ADAM12: variants seen among roughly 807,000 people sequenced by gnomAD.
ADAM12 encodes the protein ADAM metallopeptidase domain 12, also known as disintegrin and metalloproteinase domain-containing protein 12.
A neutral mutation model predicts 106.4 loss-of-function variants in ADAM12; 70 were observed. The ratio of observed to expected loss-of-function variants is 0.66; its 90% CI spans 0.54 to 0.80. ADAM12 has a LOEUF of 0.80. Among genes scored for constraint, ADAM12 ranks in the 30% least tolerant of loss-of-function variants. The probability of loss-of-function intolerance (pLI) is 0.00; values close to 1 mark genes in which losing one functional copy is unlikely to be tolerated. For synonymous variants in ADAM12, 420 were observed against 433.5 expected, an observed-to-expected ratio of 0.97 and a Z score of 0.39; for missense variants, 1,010 against 1,171.9, an observed-to-expected ratio of 0.86 and a Z score of 2.02.
intron 3 of ADAM12, among the ~76,000 whole-genome samples, chr10:126,228,152 G>A (rs374054815): frequency 1.3e-5 from 2 of 152,286 alleles, no homozygotes; most frequent in Non-Finnish European, 2.9e-5. Flanking sequence ...TTGGGTTCTG[G>A]AATGAAAATC....
chr10:126,049,266 C>A lies in ADAM12; in HGVS notation c.1904G>T (p.Cys635Phe). 6.2e-7 allele frequency: 1 copy of A among 1,614,114 alleles called. No homozygotes were observed. Among genetic ancestry groups the A allele is most frequent in the Non-Finnish European group, 8.5e-7 (1 of 1,179,960 alleles). The change falls in exon 16 of 23, where the codon TGT (cysteine) becomes TTT (phenylalanine). Residue 635 changes from cysteine (C) to phenylalanine (F), a missense_variant. By Grantham distance (205) the Cys-to-Phe change is radical. Around this residue, in one of 3 missense-constraint regions of ADAM12, gnomAD observed 615 missense variants for 708.5 expected, o/e 0.87. Coordinates refer to ENST00000448723, the MANE Select transcript of ADAM12 (RefSeq NM_001288973.2). The surrounding 1 kb of genome is among the most constrained non-coding windows in gnomAD (Gnocchi z 4.4). Reference sequence around the variant, plus strand: ...TTTGGGTCTTACTTTTCCATCTGCACACTTTGTGCCTGCAAGCACAAGCCC... The same window carrying A: ...TTTGGGTCTTACTTTTCCATCTGCAAACTTTGTGCCTGCAAGCACAAGCCC... The part of the protein sequence containing the change: ...DPGLVLAGTK[C>F]ADGKICLNRQ...
At chr10:126,186,693 C>T (rs1297472155) in intron 3 of ADAM12, among the ~76,000 whole-genome samples, 3 of 151,810 alleles carry the variant, frequency 2.0e-5, no homozygotes, top group Non-Finnish European at 2.9e-5. Flanking sequence ...GGGGCTGGAG[C>T]CTTAGGGAGG....
intron 3 of ADAM12, among the ~76,000 whole-genome samples, chr10:126,229,144 G>A (rs1352396990): frequency 2.0e-5 from 3 of 152,206 alleles, no homozygotes; most frequent in Non-Finnish European, 4.4e-5. Flanking sequence ...TGCCCTCAGA[G>A]CCTCCCCTTC....
chr10:126,038,629 G>A (rs965710815), intron 19 of ADAM12, among the ~76,000 whole-genome samples: 2 of 152,296 alleles, frequency 1.3e-5, no homozygotes, highest in East Asian at 1.9e-4. Flanking sequence ...GCATTTCAGC[G>A]ATAATGTCTT....
intron 1 of ADAM12, 117 bp downstream of exon 1, chr10:126,387,941 G>C: frequency 2.6e-6 from 3 of 1,143,302 alleles, no homozygotes; most frequent in Non-Finnish European, 3.2e-6. Flanking sequence ...CCGGGGCTCC[G>C]GAGATGCGCC....
intron 3 of ADAM12, among the ~76,000 whole-genome samples, chr10:126,163,896 A>G (rs1479821366): frequency 6.6e-6 from 1 of 152,238 alleles, no homozygotes; most frequent in Non-Finnish European, 1.5e-5. Flanking sequence ...ATAGAAACGC[A>G]ACCCAATCTG....
At chr10:126,157,017 T>TTG (rs201697951) in intron 3 of ADAM12, among the ~76,000 whole-genome samples, 26 of 151,436 alleles carry the variant, frequency 1.7e-4, no homozygotes, top group East Asian at 3.9e-4. Flanking sequence ...CCGTTTGGTT[T>TTG]TGTGTGTGTG....
chr10:126,063,251 G>A (rs904580309), intron 14 of ADAM12, among the ~76,000 whole-genome samples: 1 of 152,158 alleles, frequency 6.6e-6, no homozygotes, highest in African/African-American at 2.4e-5. Flanking sequence ...AGAGGCCTGC[G>A]CTCGTCCCTC....
intron 3 of ADAM12, among the ~76,000 whole-genome samples, chr10:126,270,236 C>T (rs1489559858): frequency 2.0e-5 from 3 of 152,262 alleles, no homozygotes; most frequent in South Asian, 2.1e-4. Context: ...CTGGTAGCAC[C>T]GGATTCTCCA....
rs962097922 is a variant in ADAM12, at chr10:126,387,460, G to C, written c.88+598C>G. On this transcript the variant is annotated intron_variant, in intron 1 of 22. Transcript: ENST00000448723. The stretch of plus-strand genomic sequence containing the variant: ...TGCCTGCGACTGACAGCTAGGGAGT[G>C]ACCTGGAAGCCAGGAAGAGGGGCAG... Among the ~76,000 whole-genome samples, 3 of 149,896 alleles carry C rather than the reference G, an allele frequency of 2.0e-5. No homozygotes were observed. In the South Asian group the frequency reaches 6.4e-4, roughly 32 times the overall value.
Position 126,053,526 on chromosome 10 carries a change from C to T in ADAM12, c.1610-3857G>A, listed in dbSNP as rs1034173379. Among the ~76,000 whole-genome samples, 1 of 151,986 alleles carries T rather than the reference C, an allele frequency of 6.6e-6. No individual in the cohort carries two copies. Reference sequence around the variant, plus strand: ...CCCTCAGAAAGGCTTGTGGCCAATTCGAATATGTGAATTTTTACCAACACA... The same window carrying T: ...CCCTCAGAAAGGCTTGTGGCCAATTTGAATATGTGAATTTTTACCAACACA... On this transcript the variant is annotated intron_variant, in intron 14 of 22. Transcript: ENST00000448723. The surrounding 1 kb of genome is among the most constrained non-coding windows in gnomAD (Gnocchi z 4.6).
At chr10:126,143,694 A>G (rs772220549) in intron 4 of ADAM12, among the ~76,000 whole-genome samples, 1 of 151,600 alleles carries the variant, frequency 6.6e-6, no homozygotes, top group Non-Finnish European at 1.5e-5. Context: ...ATGGGTGTGC[A>G]TGTGTGTATA....
At chr10:126,238,375 A>G (rs1355747557) in intron 3 of ADAM12, among the ~76,000 whole-genome samples, 1 of 152,168 alleles carries the variant, frequency 6.6e-6, no homozygotes, top group Non-Finnish European at 1.5e-5. Context: ...AGCTAGTGAC[A>G]GGCTGGGGCA....
rs867589585 is a variant in ADAM12 at position 126,240,339 on chromosome 10, G to A, written c.260+38576C>T. 5.3e-5 allele frequency among the ~76,000 whole-genome samples: 8 copies of A among 152,364 alleles called. No homozygotes were observed. In the South Asian group the frequency reaches 1.0e-3, roughly 20 times the overall value. ...CTGGGGGGCATCAGCCCCTAAGAGC[G>A]TGACAGAAGTTGCACCTGTGCTAAT... On this transcript the variant is annotated intron_variant, in intron 3 of 22. Transcript: ENST00000448723.
Position 126,376,276 on chromosome 10 carries a change from T to C in ADAM12, c.88+11782A>G, listed in dbSNP as rs1266289358. 4.6e-5 allele frequency among the ~76,000 whole-genome samples: 7 copies of C among 152,174 alleles called. No homozygotes were observed. In the East Asian group the frequency reaches 7.7e-4, roughly 17 times the overall value. ...AGGATTAAAAAAAAATTGAGCAAGA[T>C]TTCTGAATTCAAAGTCAACCTACAA... On this transcript the variant is annotated intron_variant, in intron 1 of 22. Transcript: ENST00000448723.
At chr10:126,377,610 G>A (rs1287329162) in intron 1 of ADAM12, among the ~76,000 whole-genome samples, 1 of 152,124 alleles carries the variant, frequency 6.6e-6, no homozygotes, top group Non-Finnish European at 1.5e-5. Flanking sequence ...ATACACCCAG[G>A]ATCAATACTT....
chr10:126,373,399 G>A (rs1272809990), intron 1 of ADAM12, among the ~76,000 whole-genome samples: 1 of 152,192 alleles, frequency 6.6e-6, no homozygotes, highest in Non-Finnish European at 1.5e-5. Context: ...TCTCACCCCT[G>A]CAGCTGCCAA....
intron 1 of ADAM12, among the ~76,000 whole-genome samples, chr10:126,349,107 A>G (rs549348770): frequency 6.6e-6 from 1 of 152,278 alleles, no homozygotes; most frequent in African/African-American, 2.4e-5. Context: ...GTACAGCACT[A>G]TTTTCTATGG....
At chr10:126,136,376 A>G (rs944291519) in intron 4 of ADAM12, among the ~76,000 whole-genome samples, 2 of 152,184 alleles carry the variant, frequency 1.3e-5, no homozygotes, top group Non-Finnish European at 2.9e-5. Flanking sequence ...TGCAGCCCCA[A>G]TTAAGTGGCA....
Sources: allele counts gnomAD v4.1 joint callset (sites outside exome capture counted in the v4.1 genomes callset), GRCh38; gene constraint gnomAD v4.1.1; regional missense constraint gnomAD v4.1.1; non-coding constraint Gnocchi (gnomAD v3.1); transcripts MANE v1.5; gene names NCBI Gene and HGNC (gene_info 2026-07-23, HGNC 2026-07-21).